SUGCT: variants seen among roughly 807,000 people sequenced by gnomAD.
SUGCT encodes succinyl-CoA:glutarate CoA-transferase.
A neutral mutation model predicts 55.0 loss-of-function variants in SUGCT; 41 were observed. That is an observed-to-expected ratio of 0.74 (90% CI 0.58 to 0.97). The LOEUF (loss-of-function observed/expected upper bound fraction) is 0.97, where lower values mean the gene tolerates loss of function less well. Ranked by LOEUF, SUGCT falls within the 50% of genes least tolerant of loss-of-function variation. SUGCT has a pLI of 0.00. For missense variants in SUGCT, 568 were observed against 547.8 expected, an observed-to-expected ratio of 1.04 and a Z score of -0.37; for synonymous variants, 187 against 200.4, an observed-to-expected ratio of 0.93 and a Z score of 0.56.
At chr7:40,418,481 G>A (rs150820029) in intron 9 of SUGCT, among the ~76,000 whole-genome samples, 3 of 152,260 alleles carry the variant, frequency 2.0e-5, no homozygotes, top group Non-Finnish European at 4.4e-5. Context: ...CATTTAAATG[G>A]CTGAGTCTTT....
intron 12 of SUGCT, among the ~76,000 whole-genome samples, chr7:40,670,593 C>T (rs899032751): frequency 5.9e-5 from 9 of 152,114 alleles, no homozygotes; most frequent in South Asian, 2.1e-4. Context: ...TTGCTCAAGC[C>T]GTCCTCAAAC....
chr7:40,903,701 C>T, the SUGCT span, among the ~76,000 whole-genome samples: 1 of 152,188 alleles, frequency 6.6e-6, no homozygotes, highest in African/African-American at 2.4e-5. Context: ...CAAGGGGTGG[C>T]ACCCTGGGCT....
intron 9 of SUGCT, among the ~76,000 whole-genome samples, chr7:40,431,527 G>A (rs1395034705): frequency 6.6e-6 from 1 of 152,082 alleles, no homozygotes; most frequent in Admixed American, 6.6e-5. Context: ...ATTGCTTTGG[G>A]CAGCATGTAC....
At chr7:40,251,610 C>T (rs530819239) in intron 7 of SUGCT, among the ~76,000 whole-genome samples, 1 of 152,300 alleles carries the variant, frequency 6.6e-6, no homozygotes, top group Admixed American at 6.5e-5. Context: ...CATGAAGGTA[C>T]GTGGCAAATC....
At chr7:40,308,343 A>C (rs928778677) in intron 8 of SUGCT, among the ~76,000 whole-genome samples, 1 of 152,146 alleles carries the variant, frequency 6.6e-6, no homozygotes, top group African/African-American at 2.4e-5. Flanking sequence ...TTCGTCAACT[A>C]TGAGACCTAG....
intron 9 of SUGCT, among the ~76,000 whole-genome samples, chr7:40,321,169 C>G (rs557897706): frequency 3.4e-5 from 5 of 147,046 alleles, no homozygotes; most frequent in Middle Eastern, 3.8e-3. Context: ...TCTGCCTCCT[C>G]GGTTCAAGTG....
chr7:40,936,118 A>G, the SUGCT span, among the ~76,000 whole-genome samples: 11 of 152,024 alleles, frequency 7.2e-5, no homozygotes, highest in Non-Finnish European at 1.3e-4. Context: ...ATTTATTTAT[A>G]TATTCTGGAT....
intron 12 of SUGCT, among the ~76,000 whole-genome samples, chr7:40,726,209 A>G (rs1786604123): frequency 6.6e-6 from 1 of 152,140 alleles, no homozygotes; most frequent in Admixed American, 6.5e-5. Flanking sequence ...CTAGCCTACC[A>G]TTGACTGGAA....
At chr7:40,944,575 A>G in the SUGCT span, among the ~76,000 whole-genome samples, 5 of 152,126 alleles carry the variant, frequency 3.3e-5, no homozygotes, top group Non-Finnish European at 5.9e-5. Flanking sequence ...AGGTTTGTCA[A>G]AGATCAGATA....
intron 13 of SUGCT, among the ~76,000 whole-genome samples, chr7:40,818,008 T>C (rs577191504): frequency 6.6e-6 from 1 of 152,312 alleles, no homozygotes; most frequent in East Asian, 1.9e-4. Flanking sequence ...TGCTTAATTA[T>C]AACTATACAC....
At chr7:40,854,895 C>T (rs1794089885) in intron 13 of SUGCT, among the ~76,000 whole-genome samples, 2 of 151,966 alleles carry the variant, frequency 1.3e-5, no homozygotes, top group Non-Finnish European at 2.9e-5. Context: ...ATGATAGTGC[C>T]TTTGCACTCC....
At chr7:40,915,270 G>A in the SUGCT span, among the ~76,000 whole-genome samples, 3 of 152,150 alleles carry the variant, frequency 2.0e-5, no homozygotes, top group African/African-American at 7.2e-5. Context: ...GATGGACAGA[G>A]CACCGGTCTT....
intron 6 of SUGCT, among the ~76,000 whole-genome samples, chr7:40,196,622 G>T (rs963608700): frequency 6.6e-6 from 1 of 152,158 alleles, no homozygotes; most frequent in Non-Finnish European, 1.5e-5. Flanking sequence ...GTAAAGGAGT[G>T]AACCACATAG....
chr7:40,444,035 AT>A (rs1259597768), intron 9 of SUGCT, among the ~76,000 whole-genome samples: 2 of 151,932 alleles, frequency 1.3e-5, no homozygotes, highest in African/African-American at 4.8e-5. Context: ...ATGGTTGTAG[AT>A]TTGTGGTATT....
intron 8 of SUGCT, among the ~76,000 whole-genome samples, chr7:40,312,300 CAA>C (rs2151100018): frequency 6.6e-6 from 1 of 152,214 alleles, no homozygotes; most frequent in African/African-American, 2.4e-5. Flanking sequence ...CTCAGCCTCC[CAA>C]AGTGTTGGGA....
chr7:40,283,000 A>G (rs886497466), intron 8 of SUGCT, among the ~76,000 whole-genome samples: 2 of 152,172 alleles, frequency 1.3e-5, no homozygotes, highest in African/African-American at 4.8e-5. Context: ...ATGAGCCCAA[A>G]AAGCACAGGC....
chr7:40,561,191 A>C (rs570953664), intron 12 of SUGCT, among the ~76,000 whole-genome samples: 8 of 152,190 alleles, frequency 5.3e-5, no homozygotes, highest in Non-Finnish European at 1.2e-4. Flanking sequence ...CTTGCTACAG[A>C]ATTCTAGCAA....
chr7:40,143,151 G>A (rs1400580000), intron 1 of SUGCT, among the ~76,000 whole-genome samples: 1 of 152,146 alleles, frequency 6.6e-6, no homozygotes, highest in African/African-American at 2.4e-5. Flanking sequence ...TAGCCGATTG[G>A]ACTAGAGCAT....
rs555537635 is a variant in SUGCT, at chr7:40,242,177, C to CTTT, written c.576+4461_576+4463dup. On this transcript the variant is annotated intron_variant, in intron 7 of 13. Coordinates refer to ENST00000335693, the MANE Select transcript of SUGCT (RefSeq NM_001193313.2). ...TTGACAAACTCTTTTTTTTTCTTTT[C>CTTT]TTTTTTTTTTTTCAGATAGAGTCCT... Among the ~76,000 whole-genome samples, 7 of 140,370 alleles carry CTTT rather than the reference C, an allele frequency of 5.0e-5. No homozygotes were observed. In the East Asian group the frequency reaches 1.5e-3, roughly 29 times the overall value. The allele number at this position is 140,370 out of a possible 152,430, so 92.1% of individuals were successfully genotyped here.
Sources: gnomAD v4.1 joint callset for allele counts (sites outside exome capture counted in the v4.1 genomes callset) on GRCh38, gnomAD v4.1.1 for gene constraint, MANE v1.5 for transcripts, NCBI Gene and HGNC (gene_info 2026-07-23, HGNC 2026-07-21) for gene names.